NRXN1: variants seen among roughly 807,000 people sequenced by gnomAD.
NRXN1 encodes the protein neurexin-1.
Under a neutral mutation model 150.9 loss-of-function variants are expected in NRXN1, and 39 were observed. The ratio of observed to expected loss-of-function variants is 0.26; its 90% CI spans 0.20 to 0.34. The LOEUF (loss-of-function observed/expected upper bound fraction) is 0.34. NRXN1 is among the 10% of genes least tolerant of loss of function. The probability of loss-of-function intolerance (pLI) is 1.00; values close to 1 mark genes in which losing one functional copy is unlikely to be tolerated. For missense variants in NRXN1, 1,815 were observed against 1,949.9 expected (o/e 0.93, Z 1.30); for synonymous variants, 924 against 757.0 (o/e 1.22, Z -3.62).
intron 18 of NRXN1, among the ~76,000 whole-genome samples, chr2:50,120,636 G>C (rs900955061): frequency 2.6e-5 from 4 of 152,232 alleles, no homozygotes; most frequent in African/African-American, 7.2e-5. Flanking sequence ...TTTCATTAAA[G>C]TATAAAAATT....
chr2:50,634,146 G>T (rs1237925630), intron 5 of NRXN1, among the ~76,000 whole-genome samples: 1 of 152,144 alleles, frequency 6.6e-6, no homozygotes, highest in Non-Finnish European at 1.5e-5. Context: ...GATTTTATTC[G>T]ATGCACAATG....
chr2:50,251,358 A>G (rs1023942684), intron 17 of NRXN1, among the ~76,000 whole-genome samples: 1 of 126,980 alleles, frequency 7.9e-6, no homozygotes, highest in Admixed American at 8.0e-5. Context: ...AGAAGACACG[A>G]TCTCAGTCCT....
At chr2:50,312,646 G>T in intron 17 of NRXN1, 1 of 469,478 alleles carries the variant, frequency 2.1e-6, no homozygotes, top group Non-Finnish European at 4.3e-6. Flanking sequence ...GTATGTTTTG[G>T]AAGTAGGGGA....
chr2:50,445,391 T>C (rs2086311259), intron 17 of NRXN1, among the ~76,000 whole-genome samples: 1 of 152,184 alleles, frequency 6.6e-6, no homozygotes, highest in Non-Finnish European at 1.5e-5. Context: ...TTTATCCACA[T>C]AACTCTTGGA....
intron 17 of NRXN1, among the ~76,000 whole-genome samples, chr2:50,266,848 A>G (rs2068957810): frequency 6.6e-6 from 1 of 152,230 alleles, no homozygotes; most frequent in Non-Finnish European, 1.5e-5. Context: ...AAGGGAGCAT[A>G]ACTCCATTCA....
intron 13 of NRXN1, among the ~76,000 whole-genome samples, chr2:50,503,489 T>C (rs1225993421): frequency 7.0e-6 from 1 of 142,202 alleles, no homozygotes; most frequent in Non-Finnish European, 1.5e-5. Flanking sequence ...TATAAAAACA[T>C]AGCAATAGTG....
intron 18 of NRXN1, among the ~76,000 whole-genome samples, chr2:50,173,332 C>A (rs183897086): frequency 9.4e-4 from 143 of 152,224 alleles, no homozygotes; most frequent in Admixed American, 1.6e-3. Flanking sequence ...ATTATTGTTC[C>A]TAGTTCAAAA....
intron 19 of NRXN1, among the ~76,000 whole-genome samples, chr2:50,057,588 T>C (rs998118808): frequency 4.6e-5 from 7 of 152,206 alleles, no homozygotes; most frequent in African/African-American, 9.6e-5. Flanking sequence ...ACTATGCTAC[T>C]ATGTGCAGTA....
At position 50,961,260 on chromosome 2, in the gene NRXN1, T is replaced by C. The variant is rs1284578060; in HGVS notation, c.773-35305A>G. Among the ~76,000 whole-genome samples the C allele has an allele frequency of 3.9e-5, 6 of 151,906 alleles. No homozygotes were observed. The East Asian group carries it at 9.6e-4, about 24-fold the overall frequency. The stretch of plus-strand genomic sequence containing the variant: ...ATGTATTCAAATTACTGGGAAATCT[T>C]GTTAAAATGTAGATTATTTTTCATT... On this transcript the variant is annotated intron_variant, in intron 2 of 22. Coordinates refer to ENST00000401669, the MANE Select transcript of NRXN1 (RefSeq NM_001330078.2).
At chr2:50,320,420 GTTATAC>G (rs1404921955) in intron 17 of NRXN1, among the ~76,000 whole-genome samples, 1 of 148,756 alleles carries the variant, frequency 6.7e-6, no homozygotes, top group Admixed American at 6.8e-5. Flanking sequence ...CTATAAAAAT[GTTATAC>G]TTAGAAGAGA....
chr2:50,931,262 T>C (rs1235377990), intron 2 of NRXN1, among the ~76,000 whole-genome samples: 1 of 152,134 alleles, frequency 6.6e-6, no homozygotes, highest in Admixed American at 6.6e-5. Context: ...GTTTTTCAAC[T>C]AAATATTAAA....
chr2:50,534,193 TTAAG>T (rs1353679882), intron 10 of NRXN1, among the ~76,000 whole-genome samples: 2 of 151,668 alleles, frequency 1.3e-5, no homozygotes, highest in African/African-American at 4.9e-5. Context: ...ACCAAAGAAA[TTAAG>T]TATTTATTCT....
intron 2 of NRXN1, among the ~76,000 whole-genome samples, chr2:50,997,251 C>G (rs1575166904): frequency 3.3e-5 from 5 of 151,658 alleles, no homozygotes; most frequent in Admixed American, 3.3e-4. Flanking sequence ...CTGGGCAACA[C>G]GGCAAAACCC....
chr2:50,422,260 A>T (rs1273573411), intron 17 of NRXN1, among the ~76,000 whole-genome samples: 1 of 152,158 alleles, frequency 6.6e-6, no homozygotes, highest in East Asian at 1.9e-4. Flanking sequence ...GTAACATGAT[A>T]ATCAACATAA....
intron 21 of NRXN1, among the ~76,000 whole-genome samples, chr2:50,041,346 T>TA (rs889393562): frequency 5.3e-5 from 8 of 152,328 alleles, no homozygotes; most frequent in African/African-American, 1.9e-4. Flanking sequence ...GAGTGTCTTT[T>TA]AAAAATGTTA....
intron 12 of NRXN1, among the ~76,000 whole-genome samples, chr2:50,516,213 T>G (rs150609690): frequency 5.3e-5 from 8 of 152,176 alleles, no homozygotes; most frequent in African/African-American, 1.9e-4. Flanking sequence ...AATTTGAGAG[T>G]CCATTGCAAA....
chr2:50,815,170 T>A (rs1023989101), intron 5 of NRXN1, among the ~76,000 whole-genome samples: 18 of 152,152 alleles, frequency 1.2e-4, no homozygotes, highest in Admixed American at 1.2e-3. Flanking sequence ...GTAATTATGT[T>A]CCTTCTCATG....
Position 50,882,495 on chromosome 2 carries a change from G to C in NRXN1, c.832+39374C>G, listed in dbSNP as rs115119164. 6.4e-3 allele frequency among the ~76,000 whole-genome samples: 969 copies of C among 151,948 alleles called. 13 individuals carry two copies. The highest frequency in any genetic ancestry group is 0.022 in the African/African-American group (898 of 41,494). ...ACATAGCTGGTGTACGGCTGAGCTA[G>C]AGTTTAAACCATGTTTATCAGGCTT... On this transcript the variant is annotated intron_variant, in intron 5 of 22. Coordinates refer to ENST00000401669, the MANE Select transcript of NRXN1 (RefSeq NM_001330078.2).
chr2:50,046,628 T>C lies in NRXN1; in HGVS notation c.4128+6643A>G, dbSNP rs188559131. Among the ~76,000 whole-genome samples, 516 of 152,294 alleles carry C rather than the reference T, an allele frequency of 3.4e-3. 1 individual carries two copies. The highest frequency in any genetic ancestry group is 5.3e-3 in the Non-Finnish European group (361 of 68,024). ...TGGCCATCATTTCATATGGTTCCTA[T>C]ACTCTTGACTCCTATAATCCTCACA... On this transcript the variant is annotated intron_variant, in intron 21 of 22. Coordinates refer to ENST00000401669, the MANE Select transcript of NRXN1 (RefSeq NM_001330078.2).
Sources: allele counts gnomAD v4.1 joint callset (sites outside exome capture counted in the v4.1 genomes callset), GRCh38; gene constraint gnomAD v4.1.1; transcripts MANE v1.5; gene names NCBI Gene and HGNC (gene_info 2026-07-23, HGNC 2026-07-21).